Variants in TPD52 observed in about 807,000 individuals in gnomAD.
The protein encoded by TPD52 is prostate and colon associated protein.
In TPD52, 17 loss-of-function variants were observed where a neutral mutation model predicts 31.3. The ratio of observed to expected loss-of-function variants is 0.54; its 90% CI spans 0.37 to 0.82. The LOEUF (loss-of-function observed/expected upper bound fraction) is 0.82. Among genes scored for constraint, TPD52 ranks in the 40% least tolerant of loss-of-function variants. TPD52 has a pLI of 0.00. For missense variants in TPD52, 212 were observed against 240.1 expected, an observed-to-expected ratio of 0.88 and a Z score of 0.77; for synonymous variants, 83 against 89.6, an observed-to-expected ratio of 0.93 and a Z score of 0.42.
chr8:80,049,863 G>A (rs1478994656), intron 5 of TPD52, among the ~76,000 whole-genome samples: 2 of 151,958 alleles, frequency 1.3e-5, no homozygotes, highest in African/African-American at 4.8e-5. Flanking sequence ...TATAACAAGT[G>A]TAAAGAAAGA....
chr8:80,068,073 C>A (rs1311974956), intron 1 of TPD52, among the ~76,000 whole-genome samples: 1 of 126,834 alleles, frequency 7.9e-6, no homozygotes. Flanking sequence ...TTTTTTTTTT[C>A]TCAGAATCTG....
chr8:80,115,529 A>G (rs185941026), intron 1 of TPD52, among the ~76,000 whole-genome samples: 36 of 152,314 alleles, frequency 2.4e-4, no homozygotes, highest in African/African-American at 8.7e-4. Context: ...AGAGAGAAGG[A>G]AGGGAGGCAA....
At chr8:80,168,401 G>A (rs1586437492) in intron 1 of TPD52, among the ~76,000 whole-genome samples, 1 of 152,138 alleles carries the variant, frequency 6.6e-6, no homozygotes, top group African/African-American at 2.4e-5. Flanking sequence ...TACAACTAGA[G>A]TTTCATTAGG....
At position 80,036,667 on chromosome 8, in the gene TPD52, ACT is replaced by A. The variant is rs1809932436; in HGVS notation, c.*1447_*1448del. 1 of 152,444 alleles carries A rather than the reference ACT, an allele frequency of 6.6e-6. No homozygotes were observed. Among genetic ancestry groups the A allele is most frequent in the African/African-American group, 2.4e-5 (1 of 41,356 alleles). 9.4% of individuals were successfully genotyped at this position (152,444 alleles called of 1,614,324 possible). A position where few individuals can be genotyped will look rare whatever the true frequency, so the allele number is the denominator to read the frequency against. ...AATTGCATCCAAAGTACTAACAAAA[ACT>A]CTAGCAATCAAGAATGGCAGCATGT... On this transcript the variant is annotated 3_prime_UTR_variant, in exon 8 of 8. Coordinates refer to ENST00000518937, the MANE Select transcript of TPD52 (RefSeq NM_001025253.3).
intron 1 of TPD52, among the ~76,000 whole-genome samples, chr8:80,108,158 A>C (rs1009338577): frequency 6.6e-6 from 1 of 152,200 alleles, no homozygotes; most frequent in Admixed American, 6.5e-5. Context: ...TATTTTTCAA[A>C]TGCTTTCGGC....
chr8:80,095,907 C>T (rs1287211671), intron 1 of TPD52, among the ~76,000 whole-genome samples: 2 of 151,980 alleles, frequency 1.3e-5, no homozygotes, highest in Non-Finnish European at 2.9e-5. Context: ...GAGATCGCGA[C>T]ACTGCACTCC....
At chr8:80,130,387 C>T (rs974152399) in intron 1 of TPD52, among the ~76,000 whole-genome samples, 1 of 152,184 alleles carries the variant, frequency 6.6e-6, no homozygotes, top group Non-Finnish European at 1.5e-5. Context: ...CTTAGGACCA[C>T]GTTTACTCCT....
At chr8:80,089,365 G>A (rs536273697) in intron 1 of TPD52, among the ~76,000 whole-genome samples, 2 of 152,314 alleles carry the variant, frequency 1.3e-5, no homozygotes, top group South Asian at 4.1e-4. Context: ...AGAGAGGCAG[G>A]ACTGAAGAAC....
chr8:80,111,539 C>G lies in TPD52; in HGVS notation c.20-46946G>C, dbSNP rs775731211. 1.3e-5 allele frequency among the ~76,000 whole-genome samples: 2 copies of G among 152,152 alleles called. 1 individual carries two copies. Among genetic ancestry groups the G allele is most frequent in the South Asian group, 4.1e-4 (2 of 4,834 alleles). On this transcript the variant is annotated intron_variant, in intron 1 of 7. Coordinates refer to ENST00000518937, the MANE Select transcript of TPD52 (RefSeq NM_001025253.3). Reference sequence around the variant, plus strand: ...TGACTATGTTAGAATGGGAAAAGAACTTTGGTTTTTCCTATATCTCTACAC... The same window carrying G: ...TGACTATGTTAGAATGGGAAAAGAAGTTTGGTTTTTCCTATATCTCTACAC...
chr8:80,101,731 T>G (rs767063701), intron 1 of TPD52, among the ~76,000 whole-genome samples: 16 of 152,066 alleles, frequency 1.1e-4, no homozygotes, highest in Non-Finnish European at 1.8e-4. Context: ...CCAGCTCTCG[T>G]GTGAACCAAC....
intron 2 of TPD52, among the ~76,000 whole-genome samples, chr8:80,061,806 A>G (rs562245832): frequency 6.6e-6 from 1 of 151,442 alleles, no homozygotes; most frequent in African/African-American, 2.5e-5. Context: ...AAGAAAATTT[A>G]AAAAAAATCC....
At chr8:80,135,288 T>C (rs1809310453) in intron 1 of TPD52, among the ~76,000 whole-genome samples, 1 of 152,178 alleles carries the variant, frequency 6.6e-6, no homozygotes, top group Non-Finnish European at 1.5e-5. Context: ...TTATTTTTGA[T>C]AGAGAAAAGT....
intron 1 of TPD52, among the ~76,000 whole-genome samples, chr8:80,096,291 A>AACACACACACACAC (rs34309218): frequency 6.8e-6 from 1 of 146,814 alleles, no homozygotes; most frequent in Non-Finnish European, 1.5e-5. Context: ...CACACACACA[A>AACACACACACACAC]ACACACACAC....
chr8:80,057,735 A>G (rs1261505878), intron 2 of TPD52, among the ~76,000 whole-genome samples: 1 of 152,216 alleles, frequency 6.6e-6, no homozygotes, highest in Non-Finnish European at 1.5e-5. Flanking sequence ...CAGGATCATT[A>G]GAAGCCCAAA....
chr8:80,163,296 G>A (rs1281132220), intron 1 of TPD52, among the ~76,000 whole-genome samples: 1 of 152,182 alleles, frequency 6.6e-6, no homozygotes, highest in Non-Finnish European at 1.5e-5. Flanking sequence ...TCAGCCTTAA[G>A]AAGGAAATTG....
intron 7 of TPD52, among the ~76,000 whole-genome samples, chr8:80,041,527 C>T (rs1374518450): frequency 6.6e-6 from 1 of 151,966 alleles, no homozygotes; most frequent in Non-Finnish European, 1.5e-5. Context: ...ATACAAACTC[C>T]GTAGAGAGGG....
chr8:80,069,501 AG>A (rs1813530272), intron 1 of TPD52, among the ~76,000 whole-genome samples: 2 of 152,074 alleles, frequency 1.3e-5, no homozygotes, highest in South Asian at 4.2e-4. Flanking sequence ...AAAAATTTTT[AG>A]GGGGCTGGGC....
At chr8:80,091,027 T>A (rs1816213242) in intron 1 of TPD52, among the ~76,000 whole-genome samples, 1 of 152,206 alleles carries the variant, frequency 6.6e-6, no homozygotes, top group Non-Finnish European at 1.5e-5. Context: ...AAGAGTGACA[T>A]ATAATAAGCA....
rs183105398 is a variant in TPD52, at chr8:80,149,531, G to A, written c.19+21894C>T. 1.2e-3 allele frequency among the ~76,000 whole-genome samples: 176 copies of A among 152,368 alleles called. 1 individual carries two copies. The highest frequency in any genetic ancestry group is 4.0e-3 in the African/African-American group (165 of 41,590). On this transcript the variant is annotated intron_variant, in intron 1 of 7. Coordinates refer to ENST00000518937, the MANE Select transcript of TPD52 (RefSeq NM_001025253.3). The stretch of plus-strand genomic sequence containing the variant: ...TGTAAAGATACCCAAGAATGTGGAA[G>A]TAACTTTGGAATTGGGTAACAGGCA...
Sources: gnomAD v4.1 joint callset for allele counts (sites outside exome capture counted in the v4.1 genomes callset) on GRCh38, gnomAD v4.1.1 for gene constraint, MANE v1.5 for transcripts, NCBI Gene and HGNC (gene_info 2026-07-23, HGNC 2026-07-21) for gene names.